The following IQCM variants were observed in gnomAD, a reference collection of about 807,000 sequenced individuals.
IQCM encodes the protein IQ motif containing M.
A neutral mutation model predicts 57.6 loss-of-function variants in IQCM; 45 were observed. That is an observed-to-expected ratio of 0.78 (90% CI 0.62 to 1.00). IQCM has a LOEUF of 1.00. IQCM is among the 50% of genes least tolerant of loss of function. IQCM has a pLI of 0.00. For synonymous variants in IQCM, 148 were observed against 158.9 expected, an observed-to-expected ratio of 0.93 and a Z score of 0.51; for missense variants, 468 against 511.6, an observed-to-expected ratio of 0.91 and a Z score of 0.82.
chr4:149,507,623 C>T (rs1743962270), intron 12 of IQCM, among the ~76,000 whole-genome samples: 1 of 152,110 alleles, frequency 6.6e-6, no homozygotes, highest in South Asian at 2.1e-4. Flanking sequence ...AAGCAGCAAA[C>T]ATTCAAGAGG....
intron 13 of IQCM, among the ~76,000 whole-genome samples, chr4:149,408,503 T>C (rs1005359611): frequency 1.3e-5 from 2 of 152,102 alleles, no homozygotes; most frequent in Non-Finnish European, 2.9e-5. Flanking sequence ...AAATACCCAT[T>C]AGAAATCAGG....
chr4:149,553,190 TG>T lies in IQCM; in HGVS notation c.1045del (p.Gln349LysfsTer5). ...RYRRGLWRTR[Q>X]ILNLAELEEW... ...CTCTAGCTCTGCTAAGTTGAGAATT[TG>T]TCTTGTCCTCCAAAGACCACGTCGA... On this transcript the variant is annotated frameshift_variant, in exon 11 of 14. Coordinates refer to ENST00000636793, the MANE Select transcript of IQCM (RefSeq NM_001363507.2). LOFTEE classifies it high-confidence loss of function. 1.6e-6 allele frequency: 2 copies of T among 1,232,050 alleles called. No individual in the cohort carries two copies. Among genetic ancestry groups the T allele is most frequent in the Non-Finnish European group, 2.0e-6 (2 of 987,892 alleles). 76.3% of individuals were successfully genotyped at this position (1,232,050 alleles called of 1,614,324 possible).
intron 9 of IQCM, among the ~76,000 whole-genome samples, chr4:149,578,656 C>T (rs894832510): frequency 2.0e-5 from 3 of 151,776 alleles, no homozygotes; most frequent in Non-Finnish European, 4.4e-5. Flanking sequence ...GATTCCTTAT[C>T]CCTAGAATAG....
chr4:149,522,031 C>T (rs1468761475), intron 12 of IQCM, among the ~76,000 whole-genome samples: 1 of 152,144 alleles, frequency 6.6e-6, no homozygotes, highest in Admixed American at 6.5e-5. Flanking sequence ...CAAAAGGCTG[C>T]CAATTCCAGG....
chr4:149,698,326 C>G (rs895087519), intron 5 of IQCM, among the ~76,000 whole-genome samples: 1 of 151,994 alleles, frequency 6.6e-6, no homozygotes, highest in Non-Finnish European at 1.5e-5. Flanking sequence ...CCCATAATCC[C>G]ATAATATTGT....
At chr4:149,364,982 A>G (rs1435668682) in intron 13 of IQCM, among the ~76,000 whole-genome samples, 1 of 152,094 alleles carries the variant, frequency 6.6e-6, no homozygotes, top group Non-Finnish European at 1.5e-5. Flanking sequence ...ATATATATAT[A>G]TAAAATTATA....
At chr4:149,762,440 T>C (rs1043420645) in intron 2 of IQCM, among the ~76,000 whole-genome samples, 1 of 152,072 alleles carries the variant, frequency 6.6e-6, no homozygotes, top group Non-Finnish European at 1.5e-5. Flanking sequence ...GGGGAAATTC[T>C]TTATTGGTAG....
intron 9 of IQCM, among the ~76,000 whole-genome samples, chr4:149,582,821 C>T (rs557513788): frequency 5.9e-4 from 89 of 151,442 alleles, no homozygotes; most frequent in African/African-American, 2.1e-3. Context: ...ACTTTCCATT[C>T]ATAGGTAACA....
At chr4:149,484,324 GACTT>G (rs1215204172) in intron 12 of IQCM, among the ~76,000 whole-genome samples, 1 of 151,796 alleles carries the variant, frequency 6.6e-6, no homozygotes, top group Non-Finnish European at 1.5e-5. Context: ...GATAAGTAGG[GACTT>G]ATTCCTGCCA....
At chr4:149,774,552 C>T (rs1007542091) in intron 2 of IQCM, among the ~76,000 whole-genome samples, 11 of 152,090 alleles carry the variant, frequency 7.2e-5, no homozygotes, top group Admixed American at 6.5e-5. Flanking sequence ...CCGCAGGCCA[C>T]GTGAATGACA....
intron 12 of IQCM, among the ~76,000 whole-genome samples, chr4:149,434,937 C>T (rs1238500601): frequency 6.6e-6 from 1 of 151,972 alleles, no homozygotes; most frequent in Non-Finnish European, 1.5e-5. Flanking sequence ...TGACATCACC[C>T]TACAGAGTTT....
chr4:149,462,276 T>A (rs953605120), intron 12 of IQCM, among the ~76,000 whole-genome samples: 6 of 152,158 alleles, frequency 3.9e-5, no homozygotes, highest in Non-Finnish European at 5.9e-5. Context: ...CAGGGCTGGT[T>A]TGCCAATGCA....
chr4:149,482,694 GA>G (rs367927109), intron 12 of IQCM, among the ~76,000 whole-genome samples: 210 of 149,986 alleles, frequency 1.4e-3, no homozygotes, highest in African/African-American at 4.6e-3. Flanking sequence ...ATTTTTTGAG[GA>G]TTTTTGCATC....
At chr4:149,689,072 C>T (rs776152752) in intron 5 of IQCM, among the ~76,000 whole-genome samples, 1 of 151,920 alleles carries the variant, frequency 6.6e-6, no homozygotes, top group Non-Finnish European at 1.5e-5. Context: ...AACCCAAAAG[C>T]AAATGCAATA....
intron 5 of IQCM, among the ~76,000 whole-genome samples, chr4:149,721,289 T>A (rs1302886565): frequency 6.6e-6 from 1 of 152,150 alleles, no homozygotes; most frequent in East Asian, 1.9e-4. Context: ...TTTTCTTTTA[T>A]TTATATTTTT....
At chr4:149,618,752 C>T (rs766294648) in intron 8 of IQCM, among the ~76,000 whole-genome samples, 4 of 152,004 alleles carry the variant, frequency 2.6e-5, no homozygotes, top group East Asian at 1.9e-4. Flanking sequence ...CATCACTAAT[C>T]GCCAAAGAAA....
chr4:149,805,187 A>C lies in IQCM; in HGVS notation c.-49+10124T>G, dbSNP rs1773959345. ...TAATCTGCTCTTGAGCATATAGAGA[A>C]TAGTATGAGTACTCTTGCTATGTAG... On this transcript the variant is annotated intron_variant, in intron 2 of 13. Coordinates refer to ENST00000636793, the MANE Select transcript of IQCM (RefSeq NM_001363507.2). Among the ~76,000 whole-genome samples the C allele has an allele frequency of 2.0e-5, 3 of 152,132 alleles. No individual in the cohort carries two copies. The South Asian group carries it at 6.2e-4, about 31-fold the overall frequency.
chr4:149,475,757 G>C (rs889345718), intron 12 of IQCM, among the ~76,000 whole-genome samples: 12 of 152,182 alleles, frequency 7.9e-5, no homozygotes, highest in African/African-American at 2.9e-4. Flanking sequence ...ATATATCAAA[G>C]GGAAGGGAAC....
chr4:149,489,735 G>T (rs1392398985), intron 12 of IQCM, among the ~76,000 whole-genome samples: 1 of 151,644 alleles, frequency 6.6e-6, no homozygotes, highest in Non-Finnish European at 1.5e-5. Context: ...CGCATTATGG[G>T]CTCAAGGATA....
Sources: allele counts gnomAD v4.1 joint callset (sites outside exome capture counted in the v4.1 genomes callset), GRCh38; gene constraint gnomAD v4.1.1; transcripts MANE v1.5; gene names NCBI Gene and HGNC (gene_info 2026-07-23, HGNC 2026-07-21).